The following MYB variants were observed in gnomAD, a reference collection of about 807,000 sequenced individuals.
MYB encodes the protein MYB proto-oncogene, transcription factor.
Under a neutral mutation model 92.9 loss-of-function variants are expected in MYB, and 28 were observed. The observed-to-expected ratio is 0.30, with a 90% confidence interval of 0.22 to 0.41. MYB has a LOEUF of 0.41. MYB is among the 10% of genes least tolerant of loss of function. The pLI is 1.00. For synonymous variants in MYB, 295 were observed against 329.1 expected (o/e 0.90, Z 1.12); for missense variants, 679 against 929.3 (o/e 0.73, Z 3.50).
At chr6:135,209,565 C>T (rs1779437827) in intron 15 of MYB, among the ~76,000 whole-genome samples, 1 of 152,148 alleles carries the variant, frequency 6.6e-6, no homozygotes, top group Non-Finnish European at 1.5e-5. Flanking sequence ...ATCCAGAGCT[C>T]TCCATGTATC....
chr6:135,203,120 A>G (rs1778366894), intron 14 of MYB, 97 bp from the exon 15 acceptor site: 1 of 864,528 alleles, frequency 1.2e-6, no homozygotes, highest in Non-Finnish European at 1.9e-6. Flanking sequence ...GCTAATGTGT[A>G]TCATCTCATA....
In MYB at chr6:135,208,179, A is replaced by G. The variant is rs564068052; in HGVS notation, c.2169+4855A>G. Among the ~76,000 whole-genome samples the G allele has an allele frequency of 3.4e-5, 5 of 145,134 alleles. No homozygotes were observed. In the East Asian group the frequency reaches 8.2e-4, roughly 24 times the overall value. The stretch of plus-strand genomic sequence containing the variant: ...CTGCAACCTCCACCTCTTGGGTTCA[A>G]GTGATTCTTCTGCCTTAGCCTCTCG... On this transcript the variant is annotated intron_variant, in intron 15 of 15. Transcript: ENST00000341911.
chr6:135,215,448 A>G (rs210940), intron 15 of MYB, among the ~76,000 whole-genome samples: 85,016 of 151,246 alleles, frequency 0.56, 24,604 homozygotes, highest in African/African-American at 0.74. Flanking sequence ...TTTCTTACCC[A>G]GGTAACCTTG....
At position 135,190,321 on chromosome 6, in the gene MYB, A is replaced by G. The variant is rs1177584539; in HGVS notation, c.501A>G (p.Ala167=). Residue 167 remains alanine (A), a synonymous_variant, in exon 5 of 16, where the codon GCA becomes GCG. Coordinates refer to ENST00000341911, the MANE Select transcript of MYB (RefSeq NM_001130173.2). This position sits in a 1 kb window ranked among gnomAD's most constrained non-coding sequence, Gnocchi z 4.5. ...ACAAGAGACTGGGGAACAGATGGGCAGAAATCGCAAAGCTACTGCCTGGAC... is the reference window on the plus strand; with the variant it reads ...ACAAGAGACTGGGGAACAGATGGGCGGAAATCGCAAAGCTACTGCCTGGAC... The part of the protein sequence containing the change: ...QAHKRLGNRW[A]EIAKLLPGRT... 1.9e-6 allele frequency: 3 copies of G among 1,614,092 alleles called. No homozygotes were observed. The highest frequency in any genetic ancestry group is 2.5e-6 in the Non-Finnish European group (3 of 1,180,012).
chr6:135,194,537 A>G, intron 8 of MYB, 77 bp downstream of exon 8: 1 of 1,000,236 alleles, frequency 1.0e-6, no homozygotes, highest in Non-Finnish European at 1.5e-6. Flanking sequence ...TCTCTTCTAA[A>G]TATTACACTT....
intron 15 of MYB, among the ~76,000 whole-genome samples, chr6:135,214,960 T>C (rs1474977203): frequency 3.9e-5 from 6 of 152,248 alleles, no homozygotes; most frequent in Admixed American, 2.0e-4. Context: ...CTGTCTGTTA[T>C]CTTTGTCTTG....
rs534061550 is a variant in MYB at position 135,198,500 on chromosome 6, C to G, written c.1567-408C>G. 4.6e-5 allele frequency among the ~76,000 whole-genome samples: 7 copies of G among 152,240 alleles called. No homozygotes were observed. In the South Asian group the frequency reaches 1.2e-3, roughly 27 times the overall value. ...CATATAATGTAAACCTTCTGTAATA[C>G]TAATTTTGGTTCATAGATTATTAAA... On this transcript the variant is annotated intron_variant, in intron 10 of 15. Transcript: ENST00000341911.
Position 135,190,058 on chromosome 6 carries a change from TGAA to T in MYB, c.307-65_307-63del. ...AAATTTTCTAAAGATCTTGTAACACTGAAGAATGATTATACTGACTCATTACAT... is the reference window on the plus strand; with the variant it reads ...AAATTTTCTAAAGATCTTGTAACACTGAATGATTATACTGACTCATTACAT... On this transcript the variant is annotated intron_variant, in intron 4 of 15. Transcript: ENST00000341911. This position sits in a 1 kb window ranked among gnomAD's most constrained non-coding sequence, Gnocchi z 4.5. 6.5e-7 allele frequency: 1 copy of T among 1,543,718 alleles called. No individual in the cohort carries two copies. The highest frequency in any genetic ancestry group is 8.9e-7 in the Non-Finnish European group (1 of 1,129,510).
chr6:135,196,651 C>T, intron 9 of MYB: 2 of 943,230 alleles, frequency 2.1e-6, no homozygotes, highest in South Asian at 1.4e-5. Context: ...ATTGCACACT[C>T]ATTGGTTAGG....
Position 135,197,323 on chromosome 6 carries a change from G to A in MYB, c.1566G>A (p.Gln522=), listed in dbSNP as rs1329536750. ...AAAGCCTACCCTTCTCTCCCTCGCA[G>A]GTAGAACACAATTTCTGCACAGCTG... ...PVKSLPFSPS[Q]FLNTSSNHEN... The change falls in exon 10 of 16, where the codon CAG becomes CAA. Residue 522 remains glutamine (Q), a splice_region_variant and synonymous_variant. Coordinates refer to ENST00000341911, the MANE Select transcript of MYB (RefSeq NM_001130173.2). 51 of 1,600,028 alleles carry A rather than the reference G, an allele frequency of 3.2e-5. No individual in the cohort carries two copies. The highest frequency in any genetic ancestry group is 4.2e-5 in the Non-Finnish European group (49 of 1,171,920).
chr6:135,192,388 T>C lies in MYB; in HGVS notation c.592T>C (p.Tyr198His). The C allele has an allele frequency of 6.2e-7, 1 of 1,614,238 alleles. No individual in the cohort carries two copies. Among genetic ancestry groups the C allele is most frequent in the Non-Finnish European group, 8.5e-7 (1 of 1,180,038 alleles). Residue 198 changes from tyrosine (Y) to histidine (H), a missense_variant, in exon 6 of 16, where the codon TAT (tyrosine) becomes CAT (histidine). Tyr to His is a moderately conservative substitution (Grantham distance 83). Coordinates refer to ENST00000341911, the MANE Select transcript of MYB (RefSeq NM_001130173.2). ...GCGTCGGAAGGTCGAACAGGAAGGT[T>C]ATCTGCAGGAGTCTTCAAAAGCCAG... ...TMRRKVEQEG[Y>H]LQESSKASQP... is the part of the protein sequence containing the mutation.
chr6:135,215,844 A>G (rs1307314811), intron 15 of MYB, among the ~76,000 whole-genome samples: 1 of 152,126 alleles, frequency 6.6e-6, no homozygotes, highest in African/African-American at 2.4e-5. Context: ...TCCCATGGAC[A>G]ACACCACAAA....
intron 1 of MYB, among the ~76,000 whole-genome samples, chr6:135,185,454 A>G (rs1446121779): frequency 2.6e-5 from 4 of 152,192 alleles, no homozygotes; most frequent in African/African-American, 9.7e-5. Flanking sequence ...TTGGAATAGC[A>G]TAGTTGAATT....
rs996831001 is a variant in MYB, at chr6:135,215,512, A to G, written c.2170-2352A>G. Among the ~76,000 whole-genome samples the G allele has an allele frequency of 2.0e-5, 3 of 152,280 alleles. No individual in the cohort carries two copies. In the East Asian group the frequency reaches 5.8e-4, roughly 29 times the overall value. ...TCAAATTGCCTGGTCTGTAAAATGG[A>G]TGCAGTGAATGGTAGCTATGCCACA... On this transcript the variant is annotated intron_variant, in intron 15 of 15. Coordinates refer to ENST00000341911, the MANE Select transcript of MYB (RefSeq NM_001130173.2).
chr6:135,203,049 T>C (rs1778355727), intron 14 of MYB, 168 bp from the exon 15 acceptor site: 1 of 699,306 alleles, frequency 1.4e-6, no homozygotes, highest in Non-Finnish European at 2.6e-6. Flanking sequence ...TCAGACATAG[T>C]TGATTTCTCC....
Position 135,181,548 on chromosome 6 carries a change from C to CCGGG in MYB, c.23+20_23+23dup, listed in dbSNP as rs1775028349. On this transcript the variant is annotated intron_variant, in intron 1 of 15. Transcript: ENST00000341911. The surrounding 1 kb of genome is among the most constrained non-coding windows in gnomAD (Gnocchi z 5.3). ...AGACCCCGGCACAGGTAACGGGGAG[C>CCGGG]CGGGCGGGCGGCCGAGGGCGGGGGC... The CCGGG allele has an allele frequency of 8.6e-7, 1 of 1,164,088 alleles. No homozygotes were observed. The highest frequency in any genetic ancestry group is 3.9e-5 in the East Asian group (1 of 25,520). 72.1% of individuals were successfully genotyped at this position (1,164,088 alleles called of 1,614,324 possible).
At chr6:135,217,787 G>A in intron 15 of MYB, 77 bp from the exon 16 acceptor site, 1 of 971,810 alleles carries the variant, frequency 1.0e-6, no homozygotes, top group South Asian at 1.3e-5. Context: ...CCATCTGTTG[G>A]TCAGTGCTGG....
chr6:135,183,641 T>G (rs901673693), intron 1 of MYB, among the ~76,000 whole-genome samples: 1 of 152,154 alleles, frequency 6.6e-6, no homozygotes, highest in Non-Finnish European at 1.5e-5. Context: ...GCATGCAAAG[T>G]TCAAAGGCGA....
chr6:135,197,024 A>G lies in MYB; in HGVS notation c.1267A>G (p.Ser423Gly). 6.2e-7 allele frequency: 1 copy of G among 1,613,996 alleles called. No individual in the cohort carries two copies. Among genetic ancestry groups the G allele is most frequent in the Non-Finnish European group, 8.5e-7 (1 of 1,179,872 alleles). ...EFFEEADFSP[S>G]QHHTGKALQL... is the part of the protein sequence containing the mutation. Reference sequence around the variant, plus strand: ...CTTTGAAGAAGCAGATTTTTCACCTAGCCAACATCACACAGGCAAAGCCCT... The same window carrying G: ...CTTTGAAGAAGCAGATTTTTCACCTGGCCAACATCACACAGGCAAAGCCCT... The change falls in exon 10 of 16, where the codon AGC becomes GGC. Residue 423 changes from serine to glycine, a missense_variant. Physicochemically the swap from Ser to Gly is moderately conservative, Grantham distance 56. Coordinates refer to ENST00000341911, the MANE Select transcript of MYB (RefSeq NM_001130173.2).
Sources: gnomAD v4.1 joint callset for allele counts (sites outside exome capture counted in the v4.1 genomes callset) on GRCh38, gnomAD v4.1.1 for gene constraint, Gnocchi (gnomAD v3.1) non-coding constraint, MANE v1.5 for transcripts, NCBI Gene and HGNC (gene_info 2026-07-23, HGNC 2026-07-21) for gene names.